Variants in PGCKA1 observed in about 807,000 individuals in gnomAD.
PGCKA1 encodes PDCD10 and GCKIII kinases associated 1.
the PGCKA1 span, among the ~76,000 whole-genome samples, chr4:37,562,036 C>T: frequency 1.3e-5 from 2 of 152,152 alleles, no homozygotes; most frequent in South Asian, 2.1e-4. Flanking sequence ...ACATCACCAA[C>T]AAAAAGCACA....
At chr4:37,542,310 G>A in the PGCKA1 span, among the ~76,000 whole-genome samples, 3 of 152,146 alleles carry the variant, frequency 2.0e-5, no homozygotes, top group African/African-American at 7.2e-5. Flanking sequence ...AACACCTGTG[G>A]GTGCTCAAAC....
chr4:37,582,905 A>G, the PGCKA1 span, among the ~76,000 whole-genome samples: 1 of 152,208 alleles, frequency 6.6e-6, no homozygotes, highest in Non-Finnish European at 1.5e-5. Context: ...CTTCTTACTG[A>G]CATCAATTAT....
the PGCKA1 span, among the ~76,000 whole-genome samples, chr4:37,481,440 A>AG: frequency 2.9e-5 from 3 of 103,706 alleles, no homozygotes; most frequent in East Asian, 7.6e-4. Context: ...ACTCCAGCCT[A>AG]GGCAACAGAG....
At chr4:37,541,550 T>C in the PGCKA1 span, among the ~76,000 whole-genome samples, 2 of 152,168 alleles carry the variant, frequency 1.3e-5, no homozygotes, top group African/African-American at 4.8e-5. Flanking sequence ...AGCCTACTCA[T>C]CAAATGCTGC....
chr4:37,586,404 C>T, the PGCKA1 span, among the ~76,000 whole-genome samples: 1 of 152,100 alleles, frequency 6.6e-6, no homozygotes, highest in African/African-American at 2.4e-5. Context: ...GTCCTAAGTG[C>T]TGAGAATTAG....
the PGCKA1 span, chr4:37,454,129 C>T: frequency 6.5e-6 from 1 of 152,934 alleles, no homozygotes; most frequent in South Asian, 1.8e-4. Flanking sequence ...CACTTCTCTC[C>T]GAGTCGCCTA....
chr4:37,577,063 G>T, the PGCKA1 span, among the ~76,000 whole-genome samples: 1 of 152,038 alleles, frequency 6.6e-6, no homozygotes, highest in East Asian at 1.9e-4. Context: ...ATGTGTCTTT[G>T]TCTGGTTTTG....
chr4:37,576,068 G>C, the PGCKA1 span, among the ~76,000 whole-genome samples: 8 of 151,970 alleles, frequency 5.3e-5, no homozygotes, highest in African/African-American at 2.4e-5. Context: ...GGATGGCTTT[G>C]GCTAGTCTGA....
chr4:37,495,871 G>A, the PGCKA1 span, among the ~76,000 whole-genome samples: 1 of 151,918 alleles, frequency 6.6e-6, no homozygotes, highest in South Asian at 2.1e-4. Context: ...AAAAAAAAAA[G>A]TGTCTGTTCA....
the PGCKA1 span, among the ~76,000 whole-genome samples, chr4:37,550,601 A>T: frequency 2.6e-5 from 4 of 152,204 alleles, no homozygotes; most frequent in African/African-American, 9.7e-5. Flanking sequence ...ATGGAAAAGG[A>T]CTAGATCCTA....
the PGCKA1 span, among the ~76,000 whole-genome samples, chr4:37,507,058 T>G: frequency 6.6e-6 from 1 of 152,150 alleles, no homozygotes; most frequent in Non-Finnish European, 1.5e-5. Flanking sequence ...TTCTTATCAT[T>G]TTTGTCTTGA....
the PGCKA1 span, chr4:37,460,532 G>C: frequency 6.6e-5 from 30 of 452,518 alleles, no homozygotes; most frequent in East Asian, 2.0e-3. Flanking sequence ...TCACCATTCT[G>C]ACTGGTATGC....
the PGCKA1 span, among the ~76,000 whole-genome samples, chr4:37,497,220 A>G: frequency 6.6e-6 from 1 of 152,174 alleles, no homozygotes; most frequent in African/African-American, 2.4e-5. Flanking sequence ...CACTTAGAAT[A>G]CTAGTCTCCA....
chr4:37,511,815 C>T, the PGCKA1 span, among the ~76,000 whole-genome samples: 1 of 152,304 alleles, frequency 6.6e-6, no homozygotes, highest in Admixed American at 6.5e-5. Context: ...ATTTCACTTG[C>T]AGTCGTTCTG....
chr4:37,493,889 G>A, the PGCKA1 span, among the ~76,000 whole-genome samples: 1 of 152,112 alleles, frequency 6.6e-6, no homozygotes, highest in Non-Finnish European at 1.5e-5. Context: ...CATCCCTGTT[G>A]TTGCAAATGA....
At chr4:37,476,119 A>G in the PGCKA1 span, among the ~76,000 whole-genome samples, 1 of 152,210 alleles carries the variant, frequency 6.6e-6, no homozygotes, top group Admixed American at 6.5e-5. Context: ...AAAATAATGT[A>G]TCTAGCTGTA....
the PGCKA1 span, among the ~76,000 whole-genome samples, chr4:37,539,675 C>G: frequency 2.6e-5 from 4 of 152,054 alleles, no homozygotes; most frequent in East Asian, 1.9e-4. Flanking sequence ...AAACATAAAC[C>G]CTGTGTCGCA....
the PGCKA1 span, among the ~76,000 whole-genome samples, chr4:37,573,280 G>T: frequency 6.6e-6 from 1 of 152,310 alleles, no homozygotes; most frequent in South Asian, 2.1e-4. Context: ...CAGATATTGT[G>T]CTATGTATTT....
the PGCKA1 span, chr4:37,558,178 T>C: frequency 6.6e-6 from 1 of 152,232 alleles, no homozygotes; most frequent in African/African-American, 2.4e-5. Flanking sequence ...TTTTATTACC[T>C]AAAACCTTAA....
Sources: allele counts gnomAD v4.1 joint callset (sites outside exome capture counted in the v4.1 genomes callset), GRCh38; gene constraint gnomAD v4.1.1; transcripts MANE v1.5; gene names NCBI Gene and HGNC (gene_info 2026-07-23, HGNC 2026-07-21).